ANK1: variants seen among roughly 807,000 people sequenced by gnomAD.
The protein encoded by ANK1 is ankyrin-1.
ANK1 carries 51 observed loss-of-function variants against 210.4 expected under a neutral mutation model. The observed-to-expected ratio is 0.24, with a 90% confidence interval of 0.19 to 0.31. The LOEUF (loss-of-function observed/expected upper bound fraction) is 0.31. Among genes scored for constraint, ANK1 ranks in the 10% least tolerant of loss-of-function variants. The pLI is 1.00. For missense variants in ANK1, 2,051 were observed against 2,504.4 expected (o/e 0.82, Z 3.86); for synonymous variants, 967 against 1,025.9 (o/e 0.94, Z 1.10).
intron 1 of ANK1, among the ~76,000 whole-genome samples, chr8:41,888,607 C>T (rs937942404): frequency 6.6e-6 from 1 of 152,234 alleles, no homozygotes; most frequent in African/African-American, 2.4e-5. Context: ...ATCATGGCAG[C>T]AATGCCACCC....
At chr8:41,795,893 G>A (rs1387480764) in intron 1 of ANK1, among the ~76,000 whole-genome samples, 2 of 152,152 alleles carry the variant, frequency 1.3e-5, no homozygotes, top group African/African-American at 4.8e-5. Flanking sequence ...ACATTTCAAA[G>A]TTACCAGAAG....
chr8:41,694,053 G>T lies in ANK1; in HGVS notation c.3377C>A (p.Ala1126Asp), dbSNP rs370562653. ...ELVTKLLGNQ[A>D]TFSPIVTVEP... ...CACGGTGACAATGGGGCTGAATGTG[G>T]CCTGGTTGCCCAGGAGCTTAGTGAC... Residue 1126 changes from alanine to aspartate, a missense_variant, in exon 29 of 43, where the codon GCC (alanine) becomes GAC (aspartate). This residue lies in a region of ANK1 where 1,413 missense variants were observed against 1,707.4 expected (regional missense o/e 0.83). Coordinates refer to ENST00000289734, the MANE Select transcript of ANK1 (RefSeq NM_000037.4). This position sits in a 1 kb window ranked among gnomAD's most constrained non-coding sequence, Gnocchi z 5.7. 1 of 1,614,022 alleles carries T rather than the reference G, an allele frequency of 6.2e-7. No homozygotes were observed. Among genetic ancestry groups the T allele is most frequent in the Non-Finnish European group, 8.5e-7 (1 of 1,179,950 alleles).
intron 2 of ANK1, among the ~76,000 whole-genome samples, chr8:41,753,588 A>C (rs1190921699): frequency 6.6e-6 from 1 of 152,138 alleles, no homozygotes; most frequent in Admixed American, 6.5e-5. Context: ...GGTTTGTTAC[A>C]TGAATGTACT....
chr8:41,798,673 G>C (rs1849313358), upstream of ANK1, among the ~76,000 whole-genome samples: 1 of 152,216 alleles, frequency 6.6e-6, no homozygotes, highest in African/African-American at 2.4e-5. Context: ...CTGAGCTGCG[G>C]GGCCAGGGGC....
At chr8:41,698,272 T>C (rs566539311) in intron 23 of ANK1, 151 bp from the exon 24 acceptor site, 3 of 758,870 alleles carry the variant, frequency 4.0e-6, no homozygotes, top group South Asian at 2.9e-5. Context: ...TCCTCCTCCA[T>C]GAAGTCCTCC....
rs936229857 is a variant in ANK1, at chr8:41,756,436, G to A, written c.129+1600C>T. Among the ~76,000 whole-genome samples the A allele has an allele frequency of 4.0e-5, 6 of 149,438 alleles. No homozygotes were observed. In the Admixed American group the frequency reaches 4.0e-4, roughly 10 times the overall value. ...TGGGATTACAGGTGTGAGCCACCGC[G>A]CCCGGTCTATTTTATTTTATTTCTG... On this transcript the variant is annotated intron_variant, in intron 2 of 42. Transcript: ENST00000289734.
At chr8:41,896,049 G>C (rs980236722) in intron 1 of ANK1, among the ~76,000 whole-genome samples, 1 of 152,224 alleles carries the variant, frequency 6.6e-6, no homozygotes, top group Non-Finnish European at 1.5e-5. Context: ...CTAGAGCAGC[G>C]CGGGCCTGCC....
Position 41,654,263 on chromosome 8 carries a change from G to C in ANK1, c.*1527C>G, listed in dbSNP as rs967993350. 6.5e-6 allele frequency: 1 copy of C among 152,828 alleles called. No individual in the cohort carries two copies. The highest frequency in any genetic ancestry group is 1.9e-4 in the East Asian group (1 of 5,166). 9.5% of individuals were successfully genotyped at this position (152,828 alleles called of 1,614,324 possible). A position where few individuals can be genotyped will look rare whatever the true frequency, so the allele number is the denominator to read the frequency against. On this transcript the variant is annotated 3_prime_UTR_variant, in exon 43 of 43. Transcript: ENST00000289734. ...CTTAAGGCTCCTCCCTGATGGCACC[G>C]AGGCGAGGAACTGCCAGCTGTCTGT...
At chr8:41,679,585 C>T (rs1387022108) in intron 37 of ANK1, among the ~76,000 whole-genome samples, 9 of 68,444 alleles carry the variant, frequency 1.3e-4, no homozygotes, top group South Asian at 1.1e-3. Flanking sequence ...TTTTTTGAGA[C>T]AGAGTCTCAC....
chr8:41,663,114 CTGTGTGTGTG>C (rs56138651), intron 40 of ANK1, among the ~76,000 whole-genome samples: 1 of 145,236 alleles, frequency 6.9e-6, no homozygotes, highest in Non-Finnish European at 1.5e-5. Context: ...CTCTCTCTCT[CTGTGTGTGTG>C]TGTGTGTGTG....
upstream of ANK1, among the ~76,000 whole-genome samples, chr8:41,798,251 G>A (rs1355731764): frequency 6.6e-6 from 1 of 152,086 alleles, no homozygotes; most frequent in Non-Finnish European, 1.5e-5. Flanking sequence ...CTCCCGAAGC[G>A]CGCTGCCCCC....
intron 16 of ANK1, among the ~76,000 whole-genome samples, chr8:41,711,373 A>G (rs1010548732): frequency 6.6e-6 from 1 of 152,264 alleles, no homozygotes; most frequent in African/African-American, 2.4e-5. Flanking sequence ...GGGAGGTTGG[A>G]CACGCCTTGC....
In ANK1 at chr8:41,714,172, G is replaced by C; in HGVS notation, c.1784C>G (p.Pro595Arg). The C allele has an allele frequency of 7.0e-7, 1 of 1,435,704 alleles. No individual in the cohort carries two copies. The highest frequency in any genetic ancestry group is 9.3e-7 in the Non-Finnish European group (1 of 1,077,820). 88.9% of individuals were successfully genotyped at this position (1,435,704 alleles called of 1,614,324 possible). ...GGGCCTTACCCAGGCAGGGCTGTGC[G>C]GGGAGCCGCCCCGGGGAAGCAGCAG... ...VKLLLPRGGS[P>R]HSPAWNGYTP... Residue 595 changes from proline to arginine, a missense_variant, in exon 16 of 43, where the codon CCG (proline) becomes CGG (arginine). Transcript: ENST00000289734.
intron 22 of ANK1, 140 bp downstream of exon 22, chr8:41,701,410 G>C: frequency 1.4e-6 from 1 of 717,408 alleles, no homozygotes; most frequent in South Asian, 1.6e-5. Context: ...TAAAAACCAG[G>C]TCTCCCCAGT....
upstream of ANK1, among the ~76,000 whole-genome samples, chr8:41,800,272 G>C (rs896426821): frequency 6.6e-6 from 1 of 151,916 alleles, no homozygotes; most frequent in Non-Finnish European, 1.5e-5. Context: ...AAAATATTTA[G>C]TCATACATAA....
intron 17 of ANK1, 101 bp downstream of exon 17, chr8:41,708,677 C>T (rs1825346557): frequency 9.2e-6 from 12 of 1,297,926 alleles, no homozygotes; most frequent in Middle Eastern, 1.8e-4. Context: ...TACACACACA[C>T]ACCCCTAACT....
intron 2 of ANK1, 55 bp from the exon 3 acceptor site, chr8:41,734,124 A>G: frequency 6.7e-7 from 1 of 1,484,328 alleles, no homozygotes; most frequent in Non-Finnish European, 9.4e-7. Flanking sequence ...TGCTTTCTGC[A>G]CGTCCCAGTG....
At chr8:41,864,134 T>C (rs1813828552) in intron 1 of ANK1, among the ~76,000 whole-genome samples, 1 of 151,174 alleles carries the variant, frequency 6.6e-6, no homozygotes, top group South Asian at 2.1e-4. Context: ...CCTGTAGTCC[T>C]AGCTACTCAG....
At chr8:41,837,544 T>C (rs903394860) in intron 1 of ANK1, among the ~76,000 whole-genome samples, 2 of 152,210 alleles carry the variant, frequency 1.3e-5, no homozygotes, top group African/African-American at 4.8e-5. Flanking sequence ...TATGAATACA[T>C]TTAGCCAGTC....
Sources: allele counts gnomAD v4.1 joint callset (sites outside exome capture counted in the v4.1 genomes callset), GRCh38; gene constraint gnomAD v4.1.1; regional missense constraint gnomAD v4.1.1; non-coding constraint Gnocchi (gnomAD v3.1); transcripts MANE v1.5; gene names NCBI Gene and HGNC (gene_info 2026-07-23, HGNC 2026-07-21).